Variants in CLTCL1 observed in about 807,000 individuals in gnomAD.
CLTCL1 encodes the protein clathrin heavy chain like 1, also known as clathrin heavy chain 2.
In CLTCL1, 159 loss-of-function variants were observed where a neutral mutation model predicts 190.0. The observed-to-expected ratio is 0.84, with a 90% confidence interval of 0.74 to 0.95. The LOEUF is 0.95. Among genes scored for constraint, CLTCL1 ranks in the 40% least tolerant of loss-of-function variants. The pLI is 0.00. For missense variants in CLTCL1, 1,878 were observed against 2,033.4 expected (o/e 0.92, Z 1.47); for synonymous variants, 752 against 769.6 (o/e 0.98, Z 0.38).
chr22:19,229,788 G>C, intron 11 of CLTCL1, 50 bp downstream of exon 11: 1 of 1,536,324 alleles, frequency 6.5e-7, no homozygotes, highest in Non-Finnish European at 8.7e-7. Flanking sequence ...CAAACCCAGA[G>C]AGGTGCCACA....
At chr22:19,239,419 G>T (rs781957466) in intron 4 of CLTCL1, 31 bp from the exon 5 acceptor site, 30 of 1,553,720 alleles carry the variant, frequency 1.9e-5, no homozygotes, top group Non-Finnish European at 2.7e-5. Context: ...CAATCAAGGG[G>T]ACCGCCTGTG....
At chr22:19,283,188 T>A (rs2087783583) in intron 1 of CLTCL1, among the ~76,000 whole-genome samples, 1 of 151,738 alleles carries the variant, frequency 6.6e-6, no homozygotes, top group South Asian at 2.1e-4. Flanking sequence ...TGTTTTTTTT[T>A]TCACTAGTTA....
Position 19,232,586 on chromosome 22 carries a change from G to C in CLTCL1, c.1534C>G (p.Pro512Ala), listed in dbSNP as rs1555959642. Residue 512 changes from proline (P) to alanine (A), a missense_variant, in exon 10 of 33, where the codon CCA (proline) becomes GCA (alanine). Physicochemically the swap from Pro to Ala is conservative, Grantham distance 27 (BLOSUM62 -1). Coordinates refer to ENST00000427926, the MANE Select transcript of CLTCL1 (RefSeq NM_007098.4). ...VLYAKKVGYT[P>A]DWIFLLRGVM... The stretch of plus-strand genomic sequence containing the variant: ...CCCCTCAGCAGAAAGATCCAGTCTG[G>C]GGTGTACCCAACCTAGAAGCAAGGG... The C allele has an allele frequency of 6.2e-7, 1 of 1,612,776 alleles. No individual in the cohort carries two copies. Among genetic ancestry groups the C allele is most frequent in the Admixed American group, 1.7e-5 (1 of 59,786 alleles).
intron 22 of CLTCL1, among the ~76,000 whole-genome samples, chr22:19,202,799 C>A (rs1366992446): frequency 6.6e-6 from 1 of 152,178 alleles, no homozygotes; most frequent in Non-Finnish European, 1.5e-5. Context: ...TTTGGCTTCC[C>A]TTTTCCTGAG....
At chr22:19,185,572 C>T (rs1569143194) in intron 29 of CLTCL1, among the ~76,000 whole-genome samples, 1 of 152,096 alleles carries the variant, frequency 6.6e-6, no homozygotes, top group African/African-American at 2.4e-5. Context: ...GTGATCCGCC[C>T]GCCTCGGCCT....
At chr22:19,208,061 TG>T in intron 22 of CLTCL1, 92 bp downstream of exon 22, 2 of 1,502,638 alleles carry the variant, frequency 1.3e-6, no homozygotes, top group Non-Finnish European at 1.8e-6. Flanking sequence ...AACCAGTCCC[TG>T]GTGCCAAAAC....
At chr22:19,267,947 A>G (rs1399695306) in intron 2 of CLTCL1, among the ~76,000 whole-genome samples, 13 of 152,128 alleles carry the variant, frequency 8.5e-5, no homozygotes, top group African/African-American at 2.7e-4. Context: ...ACTCTTAGCT[A>G]TGACTCCAAA....
Position 19,187,427 on chromosome 22 carries a change from C to T in CLTCL1, c.4605+131G>A. On this transcript the variant is annotated intron_variant, in intron 29 of 32. Transcript: ENST00000427926. ...CTCCCATTAATACTAATCCCCCCAC[C>T]CACCACGAGGATCCCCTGGTGAAGC... is the stretch of plus-strand genomic sequence containing the variant. 1.9e-5 allele frequency: 16 copies of T among 840,534 alleles called. No homozygotes were observed. The South Asian group carries it at 2.8e-4, about 14-fold the overall frequency. 52.1% of individuals were successfully genotyped at this position (840,534 alleles called of 1,614,324 possible). A position where few individuals can be genotyped will look rare whatever the true frequency, so the allele number is the denominator to read the frequency against.
chr22:19,193,620 C>T (rs2084590051), intron 26 of CLTCL1, among the ~76,000 whole-genome samples: 1 of 152,228 alleles, frequency 6.6e-6, no homozygotes, highest in Non-Finnish European at 1.5e-5. Flanking sequence ...CCTGTAATCC[C>T]AGCACTTTGG....
chr22:19,244,546 C>A (rs1446060955), intron 3 of CLTCL1, among the ~76,000 whole-genome samples: 1 of 152,170 alleles, frequency 6.6e-6, no homozygotes, highest in African/African-American at 2.4e-5. Context: ...TCACCCTCCC[C>A]AAGAGACTGT....
intron 29 of CLTCL1, chr22:19,184,117 T>C (rs2084233461): frequency 4.1e-6 from 1 of 246,532 alleles, no homozygotes; most frequent in African/African-American, 2.3e-5. Flanking sequence ...ATTGACAAAA[T>C]AACACCTGCA....
In CLTCL1 at chr22:19,272,838, G is replaced by C. The variant is rs12157873; in HGVS notation, c.250+2785C>G. ...CTGTCACCCAGGCTGGAATGCAGTG[G>C]CACGATAATAGCTCACTACAACTTC... On this transcript the variant is annotated intron_variant, in intron 2 of 32. Transcript: ENST00000427926. 4.8e-3 allele frequency among the ~76,000 whole-genome samples: 724 copies of C among 152,234 alleles called. 5 individuals are homozygous for C. Among genetic ancestry groups the C allele is most frequent in the African/African-American group, 0.016 (685 of 41,548 alleles).
At chr22:19,247,750 G>A (rs1408078967) in intron 3 of CLTCL1, among the ~76,000 whole-genome samples, 1 of 151,844 alleles carries the variant, frequency 6.6e-6, no homozygotes, top group African/African-American at 2.4e-5. Context: ...TAGTAAAGAC[G>A]GGGTTTCACC....
At chr22:19,217,208 C>CA (rs1569182733) in intron 18 of CLTCL1, among the ~76,000 whole-genome samples, 1 of 152,152 alleles carries the variant, frequency 6.6e-6, no homozygotes, top group African/African-American at 2.4e-5. Flanking sequence ...GGAGCTCTCC[C>CA]AGCAGCTAAG....
chr22:19,192,396 T>C (rs1320823686), intron 26 of CLTCL1, among the ~76,000 whole-genome samples: 5 of 152,148 alleles, frequency 3.3e-5, no homozygotes, highest in Non-Finnish European at 7.4e-5. Context: ...TTGCTGACTG[T>C]GGCATCGATG....
rs1555960858 is a variant in CLTCL1, at chr22:19,234,511, T to C, written c.1165A>G (p.Lys389Glu). ...EAAKVAASAP[K>E]GILRTRETVQ... ...GAACAGTATTCAAGGTTTATCACCT[T>C]TGGTGCAGACGCTGCAACTTTGGCG... Residue 389 changes from lysine to glutamate, a missense_variant and splice_region_variant, in exon 7 of 33, where the codon AAG (lysine) becomes GAG (glutamate). By Grantham distance (56) the Lys-to-Glu change is moderately conservative. Transcript: ENST00000427926. 6.2e-7 allele frequency: 1 copy of C among 1,611,826 alleles called. No individual in the cohort carries two copies. The highest frequency in any genetic ancestry group is 2.2e-5 in the East Asian group (1 of 44,850).
At chr22:19,195,351 C>T (rs1555934823) in intron 26 of CLTCL1, among the ~76,000 whole-genome samples, 1 of 152,166 alleles carries the variant, frequency 6.6e-6, no homozygotes, top group African/African-American at 2.4e-5. Flanking sequence ...ACAAGAAGCT[C>T]GGGCTTGTGG....
In CLTCL1 at chr22:19,233,713, A is replaced by C. The variant is rs945206897; in HGVS notation, c.1168-91T>G. On this transcript the variant is annotated intron_variant, in intron 7 of 32. Transcript: ENST00000427926. ...TTGTATGTAAAAACAAAAATCTGCCAGTGGAAATTCCACACTGCTCTGTCA... is the reference window on the plus strand; with the variant it reads ...TTGTATGTAAAAACAAAAATCTGCCCGTGGAAATTCCACACTGCTCTGTCA... 4 of 1,196,868 alleles carry C rather than the reference A, an allele frequency of 3.3e-6. No individual in the cohort carries two copies. In the African/African-American group the frequency reaches 6.1e-5, roughly 18 times the overall value. The allele number at this position is 1,196,868 out of a possible 1,614,324, so 74.1% of individuals were successfully genotyped here. A position where few individuals can be genotyped will look rare whatever the true frequency, so the allele number is the denominator to read the frequency against.
In CLTCL1 at chr22:19,207,997, T is replaced by C. The variant is rs572986457; in HGVS notation, c.3600+157A>G. ...AAGTGGACAATAAATGTAATGCACT[T>C]GAATCATCCCCAAACCACCCCCGAC... On this transcript the variant is annotated intron_variant, in intron 22 of 32. Transcript: ENST00000427926. 209 of 768,974 alleles carry C rather than the reference T, an allele frequency of 2.7e-4. No individual in the cohort carries two copies. The African/African-American group carries it at 3.5e-3, about 13-fold the overall frequency. The allele number at this position is 768,974 out of a possible 1,614,324, so 47.6% of individuals were successfully genotyped here. A position where few individuals can be genotyped will look rare whatever the true frequency, so the allele number is the denominator to read the frequency against.
Sources: allele counts gnomAD v4.1 joint callset (sites outside exome capture counted in the v4.1 genomes callset), GRCh38; gene constraint gnomAD v4.1.1; transcripts MANE v1.5; gene names NCBI Gene and HGNC (gene_info 2026-07-23, HGNC 2026-07-21).